Variants in CCDC68 observed in about 807,000 individuals in gnomAD.
The protein encoded by CCDC68 is coiled-coil domain-containing protein 68.
In CCDC68, 45 loss-of-function variants were observed where a neutral mutation model predicts 47.1. The ratio of observed to expected loss-of-function variants is 0.96; its 90% confidence interval spans 0.75 to 1.23. The LOEUF (loss-of-function observed/expected upper bound fraction) is 1.23. CCDC68 is among the 50% of genes most tolerant of loss of function. CCDC68 has a pLI of 0.00. For missense variants in CCDC68, 353 were observed against 373.6 expected (o/e 0.94, Z 0.45); for synonymous variants, 131 against 129.5 (o/e 1.01, Z -0.08).
chr18:54,931,037 C>T (rs569676233), intron 7 of CCDC68, among the ~76,000 whole-genome samples: 3 of 151,894 alleles, frequency 2.0e-5, no homozygotes, highest in East Asian at 2.0e-4. Flanking sequence ...ATCTTACAAG[C>T]GTATGATAAG....
chr18:54,902,171 T>C lies in CCDC68; in HGVS notation c.*2187A>G, dbSNP rs1158530429. 1 of 152,222 alleles carries C rather than the reference T, an allele frequency of 6.6e-6. No individual in the cohort carries two copies. Among genetic ancestry groups the C allele is most frequent in the African/African-American group, 2.4e-5 (1 of 41,458 alleles). 9.4% of individuals were successfully genotyped at this position (152,222 alleles called of 1,614,324 possible). On this transcript the variant is annotated 3_prime_UTR_variant, in exon 12 of 12. Coordinates refer to ENST00000591504, the MANE Select transcript of CCDC68 (RefSeq NM_025214.3). ...TCAGATCTCTTTCACTGTCATAATT[T>C]CCTCACTGTTATCATTTTTGCATAG...
intron 8 of CCDC68, among the ~76,000 whole-genome samples, chr18:54,920,654 G>A (rs571540551): frequency 4.6e-5 from 7 of 152,102 alleles, no homozygotes; most frequent in Admixed American, 2.6e-4. Flanking sequence ...ATACCATCTC[G>A]CAGCAGTCAT....
At chr18:54,925,967 A>G (rs2145469827) in intron 8 of CCDC68, among the ~76,000 whole-genome samples, 1 of 152,268 alleles carries the variant, frequency 6.6e-6, no homozygotes, top group South Asian at 2.1e-4. Context: ...CTTCTTTATT[A>G]TTATTTTCAT....
At chr18:54,927,067 CT>C (rs2044158428) in intron 8 of CCDC68, among the ~76,000 whole-genome samples, 1 of 152,116 alleles carries the variant, frequency 6.6e-6, no homozygotes, top group African/African-American at 2.4e-5. Context: ...CAGAAACTGT[CT>C]TTTTTGTAGT....
chr18:54,910,321 C>A (rs535195037), intron 10 of CCDC68, among the ~76,000 whole-genome samples: 1 of 152,270 alleles, frequency 6.6e-6, no homozygotes, highest in East Asian at 1.9e-4. Flanking sequence ...GCAGGTTGTC[C>A]CAATATCTGC....
intron 7 of CCDC68, among the ~76,000 whole-genome samples, chr18:54,931,645 C>T (rs1418759859): frequency 6.6e-6 from 1 of 152,102 alleles, no homozygotes. Flanking sequence ...TGCAATGGAG[C>T]TAAATCAATG....
intron 8 of CCDC68, among the ~76,000 whole-genome samples, chr18:54,927,325 G>T (rs1599053390): frequency 6.6e-6 from 1 of 152,084 alleles, no homozygotes; most frequent in Admixed American, 6.6e-5. Context: ...AGCTTTTAAA[G>T]AATTATTTAT....
chr18:54,948,013 T>G (rs536499999), intron 1 of CCDC68, among the ~76,000 whole-genome samples: 2 of 152,168 alleles, frequency 1.3e-5, no homozygotes, highest in African/African-American at 4.8e-5. Context: ...CCCAGGAGAA[T>G]CTAACTAAAC....
intron 8 of CCDC68, among the ~76,000 whole-genome samples, chr18:54,925,816 C>T (rs1000207365): frequency 6.6e-6 from 1 of 152,130 alleles, no homozygotes; most frequent in Admixed American, 6.5e-5. Flanking sequence ...TAACTAGGGA[C>T]CACAACCACA....
At chr18:54,922,265 A>G (rs1430646356) in intron 8 of CCDC68, among the ~76,000 whole-genome samples, 1 of 152,092 alleles carries the variant, frequency 6.6e-6, no homozygotes, top group Non-Finnish European at 1.5e-5. Context: ...GCCACACCCT[A>G]AGGATGTTGC....
intron 8 of CCDC68, among the ~76,000 whole-genome samples, chr18:54,924,320 C>T (rs148223725): frequency 6.4e-4 from 98 of 151,998 alleles, no homozygotes; most frequent in South Asian, 2.9e-3. Context: ...CTCTGAACAG[C>T]GGAGAGAAGA....
intron 8 of CCDC68, among the ~76,000 whole-genome samples, chr18:54,921,843 T>G (rs1160505400): frequency 1.3e-5 from 2 of 152,216 alleles, no homozygotes; most frequent in Non-Finnish European, 2.9e-5. Context: ...AGTTCAGCTG[T>G]GCCAATATTT....
At chr18:54,909,585 A>G (rs1262564471) in intron 10 of CCDC68, among the ~76,000 whole-genome samples, 4 of 152,204 alleles carry the variant, frequency 2.6e-5, no homozygotes, top group Non-Finnish European at 5.9e-5. Flanking sequence ...CCTAGGTCTC[A>G]TGCCTGTCAA....
At chr18:54,926,971 T>C (rs1316759794) in intron 8 of CCDC68, among the ~76,000 whole-genome samples, 2 of 152,348 alleles carry the variant, frequency 1.3e-5, no homozygotes, top group Admixed American at 6.5e-5. Flanking sequence ...AATAGAAATA[T>C]GGAGTCAACC....
intron 8 of CCDC68, 52 bp downstream of exon 8, chr18:54,928,748 G>T: frequency 8.6e-7 from 1 of 1,156,788 alleles, no homozygotes; most frequent in Non-Finnish European, 1.3e-6. Flanking sequence ...GCATACCAGT[G>T]GACAGGAAAG....
chr18:54,907,757 G>A lies in CCDC68; in HGVS notation c.950+29C>T, dbSNP rs761638313. ...TAACATGTTCAACATAGGTTGTGAA[G>A]ACAGGGTGGAAGAGGACAGAGACCT... On this transcript the variant is annotated intron_variant, in intron 11 of 11. Transcript: ENST00000591504. The A allele has an allele frequency of 1.1e-5, 14 of 1,262,530 alleles. No individual in the cohort carries two copies. The African/African-American group carries it at 1.8e-4, about 16-fold the overall frequency. 78.2% of individuals were successfully genotyped at this position (1,262,530 alleles called of 1,614,324 possible). A position where few individuals can be genotyped will look rare whatever the true frequency, so the allele number is the denominator to read the frequency against.
rs548151143 is a variant in CCDC68, at chr18:54,922,748, G to A, written c.684-3372C>T. Among the ~76,000 whole-genome samples the A allele has an allele frequency of 2.0e-5, 3 of 152,178 alleles. No individual in the cohort carries two copies. In the South Asian group the frequency reaches 6.2e-4, roughly 32 times the overall value. On this transcript the variant is annotated intron_variant, in intron 8 of 11. Coordinates refer to ENST00000591504, the MANE Select transcript of CCDC68 (RefSeq NM_025214.3). ...CACACCTGTAATCCCAGCACTATGG[G>A]AGGCCAAGGCGAGTGGATCACTTGA...
Position 54,934,898 on chromosome 18 carries a change from C to T in CCDC68, c.522G>A (p.Leu174=), listed in dbSNP as rs2044318234. ...EQKLKQHVEN[L]NQVAEKLEEK... is the part of the protein sequence containing the mutation. ...CTTCAAGTTTTTCAGCAACTTGATT[C>T]AGATTTTCAACATGTTGTTTCAATT... Residue 174 remains leucine, a synonymous_variant, in exon 7 of 12, where the codon CTG becomes CTA. Transcript: ENST00000591504. 6.2e-7 allele frequency: 1 copy of T among 1,601,492 alleles called. No homozygotes were observed. The highest frequency in any genetic ancestry group is 1.7e-5 in the Admixed American group (1 of 58,046).
chr18:54,916,259 G>A (rs563770830), intron 10 of CCDC68, among the ~76,000 whole-genome samples: 1 of 152,296 alleles, frequency 6.6e-6, no homozygotes, highest in East Asian at 1.9e-4. Flanking sequence ...AGAGTCTAAA[G>A]ACAGTGCGAG....
Sources: allele counts gnomAD v4.1 joint callset (sites outside exome capture counted in the v4.1 genomes callset), GRCh38; gene constraint gnomAD v4.1.1; transcripts MANE v1.5; gene names NCBI Gene and HGNC (gene_info 2026-07-23, HGNC 2026-07-21).